Variants in ACBD3 observed in about 807,000 individuals in gnomAD.
ACBD3 encodes the protein acyl-CoA binding domain containing 3.
A neutral mutation model predicts 66.9 loss-of-function variants in ACBD3; 30 were observed. That is an observed-to-expected ratio of 0.45 (90% CI 0.34 to 0.61). The LOEUF (loss-of-function observed/expected upper bound fraction) is 0.61. Among genes scored for constraint, ACBD3 ranks in the 20% least tolerant of loss-of-function variants. The probability of loss-of-function intolerance (pLI) is 0.02; values close to 1 mark genes in which losing one functional copy is unlikely to be tolerated. For synonymous variants in ACBD3, 278 were observed against 259.8 expected, an observed-to-expected ratio of 1.07 and a Z score of -0.68; for missense variants, 544 against 664.5, an observed-to-expected ratio of 0.82 and a Z score of 1.99.
At chr1:226,151,015 T>A (rs1338137496) in intron 7 of ACBD3, among the ~76,000 whole-genome samples, 1 of 152,236 alleles carries the variant, frequency 6.6e-6, no homozygotes, top group Non-Finnish European at 1.5e-5. Flanking sequence ...TTAAACTTAA[T>A]TTCAAGAAAT....
intron 1 of ACBD3, among the ~76,000 whole-genome samples, chr1:226,185,107 T>C (rs1239375523): frequency 3.3e-5 from 5 of 152,186 alleles, no homozygotes; most frequent in Middle Eastern, 3.2e-3. Flanking sequence ...CAAGTGGTAA[T>C]ATATCATCAC....
rs1659459107 is a variant in ACBD3, at chr1:226,146,685, A to G, written c.1512T>C (p.Tyr504=). ...GSHQYPGRGV[Y]LLKFDNSYSL... ...AGTAGGAGTTGTCAAACTTGAGGAG[A>G]TAGACTCCTCTCCCTGGATATTGAT... Residue 504 remains tyrosine, a synonymous_variant, in exon 8 of 8, where the codon TAT becomes TAC. Coordinates refer to ENST00000366812, the MANE Select transcript of ACBD3 (RefSeq NM_022735.4). 3 of 1,613,940 alleles carry G rather than the reference A, an allele frequency of 1.9e-6. No homozygotes were observed. Among genetic ancestry groups the G allele is most frequent in the Non-Finnish European group, 2.5e-6 (3 of 1,179,964 alleles).
At chr1:226,152,296 A>G in intron 7 of ACBD3, 39 bp downstream of exon 7, 1 of 1,602,554 alleles carries the variant, frequency 6.2e-7, no homozygotes, top group South Asian at 1.1e-5. Flanking sequence ...CTGCCAACAC[A>G]CAACCCAGCA....
intron 6 of ACBD3, 120 bp downstream of exon 6, chr1:226,154,527 T>A (rs992224932): frequency 1.8e-5 from 21 of 1,181,156 alleles, no homozygotes; most frequent in Admixed American, 2.6e-5. Flanking sequence ...AGTAAAAAAA[T>A]GTTCAACTCT....
At chr1:226,148,112 T>C (rs1659494103) in intron 7 of ACBD3, 1 of 152,194 alleles carries the variant, frequency 6.6e-6, no homozygotes, top group African/African-American at 2.4e-5. Flanking sequence ...ATTAAGGAGA[T>C]ATGATGACTG....
chr1:226,168,516 C>T (rs1175013956), intron 1 of ACBD3, among the ~76,000 whole-genome samples: 5 of 152,154 alleles, frequency 3.3e-5, no homozygotes, highest in Non-Finnish European at 2.9e-5. Flanking sequence ...GTCGAAACAA[C>T]ATGGTACAGT....
intron 1 of ACBD3, among the ~76,000 whole-genome samples, chr1:226,179,638 C>T (rs1222544070): frequency 2.0e-5 from 3 of 151,654 alleles, no homozygotes; most frequent in Admixed American, 6.6e-5. Context: ...GGGCAGATCA[C>T]CTGATGTTGG....
chr1:226,152,852 G>A (rs1659604591), intron 6 of ACBD3, among the ~76,000 whole-genome samples: 1 of 152,180 alleles, frequency 6.6e-6, no homozygotes, highest in South Asian at 2.1e-4. Context: ...AAGTAACAAT[G>A]GCAGCCCACA....
Position 226,152,401 on chromosome 1 carries a change from C to A in ACBD3, c.1309G>T (p.Asp437Tyr), listed in dbSNP as rs901006594. The change falls in exon 7 of 8, where the codon GAC (aspartate) becomes TAC (tyrosine). Residue 437 changes from aspartate to tyrosine, a missense_variant. Asp to Tyr is a radical substitution (Grantham distance 160). Transcript: ENST00000366812. Reference protein sequence around the residue: ...IGFGVYFEWTDSPNTAVSVHV... With the variant: ...IGFGVYFEWTYSPNTAVSVHV... The stretch of plus-strand genomic sequence containing the variant: ...ACGCTGACAGCAGTGTTTGGAGAGT[C>A]TGTCCATTCAAAATACACCCCAAAC... The A allele has an allele frequency of 1.2e-6, 2 of 1,614,212 alleles. No individual in the cohort carries two copies. Among genetic ancestry groups the A allele is most frequent in the Non-Finnish European group, 1.7e-6 (2 of 1,180,036 alleles).
At chr1:226,183,050 C>T (rs944417086) in intron 1 of ACBD3, among the ~76,000 whole-genome samples, 5 of 152,128 alleles carry the variant, frequency 3.3e-5, no homozygotes, top group Admixed American at 3.3e-4. Context: ...ACCACCCTGA[C>T]AAGGATGGAA....
intron 1 of ACBD3, among the ~76,000 whole-genome samples, chr1:226,169,240 T>TCC (rs1415366899): frequency 2.6e-5 from 4 of 151,072 alleles, no homozygotes; most frequent in African/African-American, 4.9e-5. Flanking sequence ...TTTAGAGAGT[T>TCC]TTTTTTTATT....
At chr1:226,174,691 G>A (rs978525906) in intron 1 of ACBD3, among the ~76,000 whole-genome samples, 8 of 152,224 alleles carry the variant, frequency 5.3e-5, no homozygotes, top group African/African-American at 1.4e-4. Flanking sequence ...GCCTGAACCC[G>A]GGAGGCAGAC....
At chr1:226,183,116 C>T (rs555139027) in intron 1 of ACBD3, among the ~76,000 whole-genome samples, 1 of 152,146 alleles carries the variant, frequency 6.6e-6, no homozygotes, top group South Asian at 2.1e-4. Context: ...AAAAATATAT[C>T]CATGCTTTCA....
chr1:226,173,786 A>C (rs1158713567), intron 1 of ACBD3, among the ~76,000 whole-genome samples: 1 of 115,496 alleles, frequency 8.7e-6, no homozygotes, highest in South Asian at 2.7e-4. Flanking sequence ...TTTGAGACAG[A>C]GTCTCACTCT....
chr1:226,161,722 C>A (rs374746639), intron 3 of ACBD3, 33 bp from the exon 4 acceptor site: 22 of 1,515,874 alleles, frequency 1.5e-5, no homozygotes, highest in Admixed American at 5.1e-5. Context: ...GAACCCTATA[C>A]GTTGAATCCT....
At position 226,146,258 on chromosome 1, in the gene ACBD3, TG is replaced by T; in HGVS notation, c.*351del. On this transcript the variant is annotated 3_prime_UTR_variant, in exon 8 of 8. Transcript: ENST00000366812. The stretch of plus-strand genomic sequence containing the variant: ...TAACTACGGGCTCTCATAAGACACA[TG>T]GAGCAGGCAGCAAGGGGCTAACCAT... The T allele has an allele frequency of 4.8e-6, 1 of 206,734 alleles. No individual in the cohort carries two copies. The highest frequency in any genetic ancestry group is 1.3e-4 in the East Asian group (1 of 7,548). 12.8% of individuals were successfully genotyped at this position (206,734 alleles called of 1,614,324 possible).
intron 6 of ACBD3, among the ~76,000 whole-genome samples, chr1:226,154,364 C>T (rs1240115290): frequency 6.6e-6 from 1 of 151,730 alleles, no homozygotes; most frequent in African/African-American, 2.4e-5. Flanking sequence ...TGAGCCACTG[C>T]GCCCAGCCTG....
chr1:226,157,506 T>C (rs1659698014), intron 5 of ACBD3, among the ~76,000 whole-genome samples: 1 of 152,194 alleles, frequency 6.6e-6, no homozygotes, highest in Non-Finnish European at 1.5e-5. Flanking sequence ...CCCAAAGTGC[T>C]GGGATTACAG....
intron 1 of ACBD3, among the ~76,000 whole-genome samples, chr1:226,184,788 C>G (rs1165527180): frequency 6.6e-6 from 1 of 151,718 alleles, no homozygotes; most frequent in Non-Finnish European, 1.5e-5. Context: ...ACCTCTGCCT[C>G]CCATATTGAA....
Sources: allele counts gnomAD v4.1 joint callset (sites outside exome capture counted in the v4.1 genomes callset), GRCh38; gene constraint gnomAD v4.1.1; transcripts MANE v1.5; gene names NCBI Gene and HGNC (gene_info 2026-07-23, HGNC 2026-07-21).